Variants in WWTR1 observed in about 807,000 individuals in gnomAD.
The protein encoded by WWTR1 is WW domain-containing transcription regulator protein 1.
In WWTR1, 13 loss-of-function variants were observed where a neutral mutation model predicts 40.1. The ratio of observed to expected loss-of-function variants is 0.32; its 90% confidence interval spans 0.21 to 0.52. The LOEUF (loss-of-function observed/expected upper bound fraction) is 0.52, where lower values mean the gene tolerates loss of function less well. Ranked by LOEUF, WWTR1 falls within the 20% of genes least tolerant of loss-of-function variation. The pLI is 0.97. For missense variants in WWTR1, 436 were observed against 523.1 expected, an observed-to-expected ratio of 0.83 and a Z score of 1.63; for synonymous variants, 230 against 210.1, an observed-to-expected ratio of 1.09 and a Z score of -0.82.
chr3:149,700,962 G>A (rs978881237), intron 1 of WWTR1, among the ~76,000 whole-genome samples: 4 of 152,168 alleles, frequency 2.6e-5, no homozygotes, highest in African/African-American at 9.7e-5. Context: ...GTCTTTCTAC[G>A]GAGCAGTGAT....
chr3:149,572,388 A>C (rs1183741358), intron 3 of WWTR1, among the ~76,000 whole-genome samples: 1 of 152,174 alleles, frequency 6.6e-6, no homozygotes, highest in Admixed American at 6.5e-5. Flanking sequence ...CAAAGCGTGT[A>C]TGTGTCCTAC....
intron 2 of WWTR1, among the ~76,000 whole-genome samples, chr3:149,665,670 T>C (rs1180137055): frequency 6.6e-6 from 1 of 152,210 alleles, no homozygotes; most frequent in Non-Finnish European, 1.5e-5. Flanking sequence ...TTTTATAATT[T>C]TAATGAGAAA....
At chr3:149,610,232 C>T (rs577657294) in intron 2 of WWTR1, among the ~76,000 whole-genome samples, 2 of 152,132 alleles carry the variant, frequency 1.3e-5, no homozygotes, top group African/African-American at 4.8e-5. Flanking sequence ...TTTCCAATTA[C>T]AAGCAAAGTA....
intron 1 of WWTR1, 145 bp from the exon 2 acceptor site, chr3:149,657,454 C>G: frequency 1.0e-6 from 1 of 956,412 alleles, no homozygotes; most frequent in Non-Finnish European, 1.5e-6. Context: ...CTGGAGATCC[C>G]AGACACTCAG....
intron 1 of WWTR1, among the ~76,000 whole-genome samples, chr3:149,687,875 T>A (rs1422803765): frequency 6.6e-6 from 1 of 151,748 alleles, no homozygotes; most frequent in Admixed American, 6.6e-5. Flanking sequence ...AAACCCACTG[T>A]CCTGAAGGGA....
In WWTR1 at chr3:149,597,618, C is replaced by CAA. The variant is rs113076518; in HGVS notation, c.432-24620_432-24619dup. On this transcript the variant is annotated intron_variant, in intron 2 of 6. Transcript: ENST00000360632. ...GCTGTGTGAGAGTGAGATCCTGTCT[C>CAA]AAAAAAAAATAAAATAAAGTAAAAA... is the stretch of plus-strand genomic sequence containing the variant. Among the ~76,000 whole-genome samples the CAA allele has an allele frequency of 1.6e-3, 234 of 149,404 alleles. 1 individual carries two copies. The highest frequency in any genetic ancestry group is 5.0e-3 in the African/African-American group (202 of 40,778).
chr3:149,639,407 T>C (rs1457821913), intron 2 of WWTR1, among the ~76,000 whole-genome samples: 2 of 152,098 alleles, frequency 1.3e-5, no homozygotes, highest in Non-Finnish European at 2.9e-5. Flanking sequence ...GGGGTCTTGC[T>C]CTGTTGCTCA....
chr3:149,597,487 A>G (rs1739052935), intron 2 of WWTR1, among the ~76,000 whole-genome samples: 1 of 151,956 alleles, frequency 6.6e-6, no homozygotes, highest in South Asian at 2.1e-4. Flanking sequence ...AGAAAAAAAG[A>G]AAAATTATCT....
intron 3 of WWTR1, among the ~76,000 whole-genome samples, chr3:149,547,943 A>AGCACAC: frequency 7.5e-6 from 1 of 133,080 alleles, no homozygotes; most frequent in Admixed American, 7.4e-5. Flanking sequence ...AAAGGAAAAA[A>AGCACAC]TCACACACAC....
At chr3:149,617,127 G>T (rs149019164) in intron 2 of WWTR1, among the ~76,000 whole-genome samples, 50 of 152,266 alleles carry the variant, frequency 3.3e-4, no homozygotes, top group African/African-American at 1.1e-3. Context: ...TTTACCTCCC[G>T]CTTTGGAACA....
At chr3:149,714,510 C>T (rs556593367) in intron 5 of WWTR1, among the ~76,000 whole-genome samples, 125 of 152,372 alleles carry the variant, frequency 8.2e-4, no homozygotes, top group Non-Finnish European at 1.5e-3. Context: ...GCTCAGGGCA[C>T]CGCTGAGACA....
chr3:149,611,070 A>C, intron 2 of WWTR1, among the ~76,000 whole-genome samples: 1 of 152,106 alleles, frequency 6.6e-6, no homozygotes, highest in Admixed American at 6.6e-5. Context: ...GGGAAGATAG[A>C]TTGACCCCAG....
chr3:149,620,340 T>C (rs1248988127), intron 2 of WWTR1, among the ~76,000 whole-genome samples: 2 of 152,152 alleles, frequency 1.3e-5, no homozygotes, highest in African/African-American at 4.8e-5. Context: ...AGGATCTAAC[T>C]GGATCTTTTT....
At chr3:149,665,293 T>C (rs1431065043) in intron 2 of WWTR1, among the ~76,000 whole-genome samples, 1 of 150,594 alleles carries the variant, frequency 6.6e-6, no homozygotes, top group African/African-American at 2.5e-5. Flanking sequence ...TGGCGTCATC[T>C]TGGCTCACTG....
intron 3 of WWTR1, among the ~76,000 whole-genome samples, chr3:149,564,654 C>G (rs569948899): frequency 7.9e-4 from 120 of 152,174 alleles, no homozygotes; most frequent in African/African-American, 2.7e-3. Context: ...AAGAGTACAC[C>G]TATGATGCCT....
chr3:149,564,762 T>C (rs1279961162), intron 3 of WWTR1, among the ~76,000 whole-genome samples: 1 of 152,294 alleles, frequency 6.6e-6, no homozygotes, highest in East Asian at 1.9e-4. Context: ...ATCTAAGCAA[T>C]GTGTTTTTCA....
chr3:149,682,224 C>A (rs1714479256), intron 1 of WWTR1, among the ~76,000 whole-genome samples: 1 of 152,124 alleles, frequency 6.6e-6, no homozygotes, highest in South Asian at 2.1e-4. Flanking sequence ...TTGGTATCTG[C>A]AGACTTCAGT....
intron 2 of WWTR1, among the ~76,000 whole-genome samples, chr3:149,592,855 T>C (rs1202401759): frequency 6.6e-6 from 1 of 152,184 alleles, no homozygotes; most frequent in African/African-American, 2.4e-5. Context: ...TTGAAACAGC[T>C]GGTGGGAACC....
chr3:149,706,138 G>A (rs1715325114), upstream of WWTR1, among the ~76,000 whole-genome samples: 1 of 152,128 alleles, frequency 6.6e-6, no homozygotes, highest in South Asian at 2.1e-4. Context: ...GGAGGCTGCA[G>A]TGAGCTGAGA....
Sources: gnomAD v4.1 joint callset for allele counts (sites outside exome capture counted in the v4.1 genomes callset) on GRCh38, gnomAD v4.1.1 for gene constraint, MANE v1.5 for transcripts, NCBI Gene and HGNC (gene_info 2026-07-23, HGNC 2026-07-21) for gene names.